NELL1: variants seen among roughly 807,000 people sequenced by gnomAD.
NELL1 encodes neural EGFL like 1, also known as protein kinase C-binding protein NELL1.
A neutral mutation model predicts 107.4 loss-of-function variants in NELL1; 76 were observed. That is an observed-to-expected ratio of 0.71 (90% CI 0.59 to 0.86). The LOEUF is 0.86. NELL1 is among the 40% of genes least tolerant of loss of function. The pLI, the probability that NELL1 is intolerant of heterozygous loss-of-function variation, is 0.00. For synonymous variants in NELL1, 353 were observed against 341.2 expected, an observed-to-expected ratio of 1.03 and a Z score of -0.38; for missense variants, 1,024 against 1,005.5, an observed-to-expected ratio of 1.02 and a Z score of -0.25.
intron 13 of NELL1, among the ~76,000 whole-genome samples, chr11:21,143,414 G>A (rs1225292805): frequency 6.6e-6 from 1 of 152,140 alleles, no homozygotes; most frequent in African/African-American, 2.4e-5. Context: ...AGGAAAGAAA[G>A]GGGAAAGGAG....
intron 15 of NELL1, among the ~76,000 whole-genome samples, chr11:21,446,163 T>C (rs1182292113): frequency 2.0e-5 from 3 of 152,122 alleles, no homozygotes; most frequent in Non-Finnish European, 4.4e-5. Flanking sequence ...AATTGCATTT[T>C]TCAACTCCAG....
At chr11:20,711,999 T>C (rs886751105) in intron 2 of NELL1, among the ~76,000 whole-genome samples, 6 of 152,190 alleles carry the variant, frequency 3.9e-5, no homozygotes, top group African/African-American at 1.4e-4. Context: ...TCTAGATCTT[T>C]AGTAAGGCCA....
chr11:20,678,348 T>G (rs1448521977), intron 2 of NELL1, among the ~76,000 whole-genome samples: 1 of 152,184 alleles, frequency 6.6e-6, no homozygotes, highest in Non-Finnish European at 1.5e-5. Flanking sequence ...ACCATCTATA[T>G]TATTGTTACA....
At chr11:21,169,024 AGCTTGAT>A (rs2133809613) in intron 13 of NELL1, among the ~76,000 whole-genome samples, 1 of 152,044 alleles carries the variant, frequency 6.6e-6, no homozygotes, top group South Asian at 2.1e-4. Context: ...GAGAGATAAA[AGCTTGAT>A]GCTACTATTG....
At chr11:21,562,446 A>G (rs566107312) in intron 17 of NELL1, among the ~76,000 whole-genome samples, 1 of 152,134 alleles carries the variant, frequency 6.6e-6, no homozygotes, top group South Asian at 2.1e-4. Flanking sequence ...ACATGTACTC[A>G]TTGCCCATTT....
intron 2 of NELL1, among the ~76,000 whole-genome samples, chr11:20,751,177 T>C (rs1856130094): frequency 6.6e-6 from 1 of 152,034 alleles, no homozygotes; most frequent in Non-Finnish European, 1.5e-5. Context: ...ATTCCAACTT[T>C]TTTTTTTTTA....
intron 14 of NELL1, among the ~76,000 whole-genome samples, chr11:21,265,337 A>G (rs1251216080): frequency 6.6e-6 from 1 of 152,052 alleles, no homozygotes; most frequent in Admixed American, 6.6e-5. Flanking sequence ...AAATAGGGGT[A>G]TCACTTCCTC....
chr11:20,942,209 C>G (rs1850869349), intron 10 of NELL1, among the ~76,000 whole-genome samples: 1 of 152,204 alleles, frequency 6.6e-6, no homozygotes, highest in African/African-American at 2.4e-5. Flanking sequence ...TATTCTGTCT[C>G]TCATTGGCCA....
intron 4 of NELL1, among the ~76,000 whole-genome samples, chr11:20,854,485 A>C (rs1421563516): frequency 6.6e-6 from 1 of 152,170 alleles, no homozygotes; most frequent in East Asian, 1.9e-4. Flanking sequence ...AGGGGTTTGC[A>C]GTCATCTGAA....
At chr11:20,842,383 A>AG in intron 3 of NELL1, among the ~76,000 whole-genome samples, 1 of 152,032 alleles carries the variant, frequency 6.6e-6, no homozygotes, top group East Asian at 1.9e-4. Flanking sequence ...AAAAAAAAAA[A>AG]AAAGAGCTTC....
At chr11:20,893,601 G>C (rs536375827) in intron 5 of NELL1, among the ~76,000 whole-genome samples, 1 of 151,302 alleles carries the variant, frequency 6.6e-6, no homozygotes, top group South Asian at 2.1e-4. Context: ...CCCAAACTCT[G>C]ACATTTAAGT....
At chr11:21,232,159 A>AAAATATATATATATATATATATAT (rs1554985116) in intron 14 of NELL1, among the ~76,000 whole-genome samples, 1 of 73,208 alleles carries the variant, frequency 1.4e-5, no homozygotes, top group African/African-American at 5.2e-5. Context: ...AAAAAAAAAA[A>AAAATATATATATATATATATATAT]ATATATATAT....
chr11:20,880,452 G>C (rs563709757), intron 4 of NELL1, among the ~76,000 whole-genome samples: 2 of 152,170 alleles, frequency 1.3e-5, no homozygotes, highest in Non-Finnish European at 2.9e-5. Flanking sequence ...TTTAAATGAG[G>C]AAATTGAAAT....
At chr11:21,424,770 C>G (rs553329214) in intron 15 of NELL1, among the ~76,000 whole-genome samples, 2 of 152,166 alleles carry the variant, frequency 1.3e-5, no homozygotes, top group East Asian at 3.9e-4. Context: ...CTGAATAAAC[C>G]TATAACAAAT....
chr11:20,694,434 A>G (rs959411981), intron 2 of NELL1, among the ~76,000 whole-genome samples: 1 of 151,976 alleles, frequency 6.6e-6, no homozygotes, highest in African/African-American at 2.4e-5. Context: ...TCTTGAGTTA[A>G]TTTTTGCATA....
At chr11:21,046,145 A>G (rs1853348338) in intron 12 of NELL1, among the ~76,000 whole-genome samples, 2 of 152,190 alleles carry the variant, frequency 1.3e-5, no homozygotes, top group African/African-American at 4.8e-5. Flanking sequence ...TAAGGTATAG[A>G]CCAATTTTTA....
At position 21,252,049 on chromosome 11, in the gene NELL1, G is replaced by A. The variant is rs61888075; in HGVS notation, c.1549+22595G>A. Among the ~76,000 whole-genome samples the A allele has an allele frequency of 2.7e-3, 412 of 152,268 alleles. 1 individual carries two copies. The highest frequency in any genetic ancestry group is 5.0e-3 in the Non-Finnish European group (340 of 68,020). ...GTTTACACGCAAGACTGTGTCACAT[G>A]TTTACACACACTGCTCCATTTAATT... is the stretch of plus-strand genomic sequence containing the variant. On this transcript the variant is annotated intron_variant, in intron 14 of 19. Coordinates refer to ENST00000357134, the MANE Select transcript of NELL1 (RefSeq NM_006157.5).
chr11:20,673,570 G>C (rs565557987), intron 1 of NELL1, among the ~76,000 whole-genome samples: 1 of 152,218 alleles, frequency 6.6e-6, no homozygotes, highest in Non-Finnish European at 1.5e-5. Flanking sequence ...CTGGGTGGGG[G>C]TGAGGAGCAG....
intron 13 of NELL1, among the ~76,000 whole-genome samples, chr11:21,133,008 A>G (rs1855660012): frequency 6.6e-6 from 1 of 152,046 alleles, no homozygotes; most frequent in African/African-American, 2.4e-5. Flanking sequence ...AGGTCATCCC[A>G]ATGAGTATCT....
Sources: allele counts gnomAD v4.1 joint callset (sites outside exome capture counted in the v4.1 genomes callset), GRCh38; gene constraint gnomAD v4.1.1; transcripts MANE v1.5; gene names NCBI Gene and HGNC (gene_info 2026-07-23, HGNC 2026-07-21).